GRID2: variants seen among roughly 807,000 people sequenced by gnomAD.
The protein encoded by GRID2 is glutamate receptor ionotropic, delta-2.
Under a neutral mutation model 114.8 loss-of-function variants are expected in GRID2, and 33 were observed. That is an observed-to-expected ratio of 0.29 (90% confidence interval 0.22 to 0.38). GRID2 has a LOEUF of 0.38. Ranked by LOEUF, GRID2 falls within the 10% of genes least tolerant of loss-of-function variation. GRID2 has a pLI of 1.00. For missense variants in GRID2, 1,184 were observed against 1,257.7 expected (o/e 0.94, Z 0.89); for synonymous variants, 505 against 449.9 (o/e 1.12, Z -1.55).
chr4:92,613,012 A>G (rs542664828), intron 2 of GRID2, among the ~76,000 whole-genome samples: 3 of 151,534 alleles, frequency 2.0e-5, no homozygotes, highest in African/African-American at 7.2e-5. Flanking sequence ...AATATTAGGT[A>G]GCAAGCATTT....
At chr4:93,111,090 G>A (rs373239832) in intron 4 of GRID2, 137 bp downstream of exon 4, 1 of 630,918 alleles carries the variant, frequency 1.6e-6, no homozygotes, top group South Asian at 1.9e-5. Flanking sequence ...AATGGAGGTA[G>A]CATAGTGAAT....
chr4:92,427,743 TATA>T (rs1732229885), intron 1 of GRID2, among the ~76,000 whole-genome samples: 2 of 152,020 alleles, frequency 1.3e-5, no homozygotes, highest in South Asian at 4.2e-4. Flanking sequence ...ATTAAATGAA[TATA>T]ATAAGCCCAA....
chr4:93,594,892 A>T (rs909201196), intron 13 of GRID2, among the ~76,000 whole-genome samples: 1 of 152,150 alleles, frequency 6.6e-6, no homozygotes, highest in Non-Finnish European at 1.5e-5. Context: ...GAGTGAGGCA[A>T]TGCCTCGCCC....
At chr4:93,412,573 TTTTA>T (rs1429579379) in intron 9 of GRID2, among the ~76,000 whole-genome samples, 3 of 152,164 alleles carry the variant, frequency 2.0e-5, no homozygotes, top group Non-Finnish European at 4.4e-5. Context: ...AGCCTTTCAC[TTTTA>T]TTTTTCTTTT....
chr4:93,788,694 T>C (rs1295061218), intron 1 of GRID2, among the ~76,000 whole-genome samples: 4 of 152,126 alleles, frequency 2.6e-5, no homozygotes, highest in Non-Finnish European at 5.9e-5. Flanking sequence ...CGTTCAAGGG[T>C]AATTAATCTA....
intron 2 of GRID2, among the ~76,000 whole-genome samples, chr4:92,954,282 T>C (rs1290722930): frequency 6.6e-6 from 1 of 152,056 alleles, no homozygotes; most frequent in Non-Finnish European, 1.5e-5. Flanking sequence ...AACACAAATA[T>C]GCACACATCA....
chr4:93,087,242 G>C (rs370511572), intron 3 of GRID2, among the ~76,000 whole-genome samples: 1 of 151,378 alleles, frequency 6.6e-6, no homozygotes, highest in Non-Finnish European at 1.5e-5. Context: ...GGGTTTCAAC[G>C]TGTTAGCCAG....
chr4:93,057,497 A>G (rs1287639374), intron 2 of GRID2, among the ~76,000 whole-genome samples: 1 of 151,836 alleles, frequency 6.6e-6, no homozygotes, highest in Non-Finnish European at 1.5e-5. Context: ...ACATGCTAAC[A>G]TGACTATGTT....
intron 2 of GRID2, among the ~76,000 whole-genome samples, chr4:92,622,609 T>G (rs1450564920): frequency 1.3e-5 from 2 of 151,486 alleles, no homozygotes; most frequent in African/African-American, 4.8e-5. Flanking sequence ...TTAAAAAAGA[T>G]TTCCTAAAGA....
intron 3 of GRID2, among the ~76,000 whole-genome samples, chr4:93,086,452 A>G (rs1293697997): frequency 2.0e-5 from 3 of 152,194 alleles, no homozygotes; most frequent in Non-Finnish European, 4.4e-5. Flanking sequence ...ATCAACAAAT[A>G]AGAAAGAGCT....
rs540772650 is a variant in GRID2, at chr4:92,824,225, A to T, written c.244+233939A>T. On this transcript the variant is annotated intron_variant, in intron 2 of 15. Transcript: ENST00000282020. ...CTCTTCCTTTATAAATAGAATCCAT[A>T]AAATATCATTAGGTTCTTATATTTG... 8.5e-5 allele frequency among the ~76,000 whole-genome samples: 13 copies of T among 152,310 alleles called. No homozygotes were observed. In the South Asian group the frequency reaches 1.9e-3, roughly 22 times the overall value.
intron 11 of GRID2, among the ~76,000 whole-genome samples, chr4:93,480,308 C>A (rs909523198): frequency 1.3e-5 from 2 of 151,966 alleles, no homozygotes; most frequent in Non-Finnish European, 2.9e-5. Flanking sequence ...GCTACCTTGA[C>A]CCCTTCTTCA....
At chr4:92,552,560 A>T (rs1726645732) in intron 1 of GRID2, among the ~76,000 whole-genome samples, 1 of 152,152 alleles carries the variant, frequency 6.6e-6, no homozygotes, top group African/African-American at 2.4e-5. Flanking sequence ...AAGAGAAGAG[A>T]TGGAAACTAA....
At chr4:93,606,926 T>C (rs1740303673) in intron 13 of GRID2, among the ~76,000 whole-genome samples, 1 of 152,180 alleles carries the variant, frequency 6.6e-6, no homozygotes, top group Non-Finnish European at 1.5e-5. Flanking sequence ...TTCAGTATTC[T>C]TTACTGTATA....
At chr4:92,724,098 G>C (rs1735941060) in intron 2 of GRID2, among the ~76,000 whole-genome samples, 1 of 151,936 alleles carries the variant, frequency 6.6e-6, no homozygotes, top group Admixed American at 6.6e-5. Flanking sequence ...CACCCTAATG[G>C]TACATGGTAC....
chr4:92,988,633 T>C (rs1754654456), intron 2 of GRID2, among the ~76,000 whole-genome samples: 1 of 152,112 alleles, frequency 6.6e-6, no homozygotes, highest in African/African-American at 2.4e-5. Context: ...TTTAACTGGA[T>C]TACCCAATTT....
chr4:92,853,811 A>G (rs780143616), intron 2 of GRID2, among the ~76,000 whole-genome samples: 6 of 151,976 alleles, frequency 3.9e-5, no homozygotes, highest in Non-Finnish European at 7.4e-5. Context: ...GTACACAAAC[A>G]TGACAACAAC....
intron 14 of GRID2, among the ~76,000 whole-genome samples, chr4:93,635,039 A>G (rs1721289078): frequency 6.6e-6 from 1 of 152,002 alleles, no homozygotes; most frequent in African/African-American, 2.4e-5. Context: ...ATCATTTACT[A>G]CCCGGTAAAT....
At chr4:92,977,017 T>C (rs1753922260) in intron 2 of GRID2, among the ~76,000 whole-genome samples, 1 of 152,154 alleles carries the variant, frequency 6.6e-6, no homozygotes, top group African/African-American at 2.4e-5. Flanking sequence ...AACTCATTTT[T>C]TTCATCTCTA....
Sources: allele counts gnomAD v4.1 joint callset (sites outside exome capture counted in the v4.1 genomes callset), GRCh38; gene constraint gnomAD v4.1.1; transcripts MANE v1.5; gene names NCBI Gene and HGNC (gene_info 2026-07-23, HGNC 2026-07-21).